Variants in KCNH1 observed in about 807,000 individuals in gnomAD.
The protein encoded by KCNH1 is voltage-gated delayed rectifier potassium channel KCNH1.
A neutral mutation model predicts 69.2 loss-of-function variants in KCNH1; 27 were observed. The observed-to-expected ratio is 0.39, with a 90% CI of 0.29 to 0.54. KCNH1 has a LOEUF of 0.54. Ranked by LOEUF, KCNH1 falls within the 20% of genes least tolerant of loss-of-function variation. The pLI, the probability that KCNH1 is intolerant of heterozygous loss-of-function variation, is 0.68. For synonymous variants in KCNH1, 456 were observed against 487.7 expected (o/e 0.93, Z 0.86); for missense variants, 798 against 1,261.6 (o/e 0.63, Z 5.57).
chr1:211,081,805 C>A (rs1427922915), intron 5 of KCNH1, among the ~76,000 whole-genome samples: 1 of 151,974 alleles, frequency 6.6e-6, no homozygotes, highest in Non-Finnish European at 1.5e-5. Context: ...ACATCACACC[C>A]CGGGGCCTGT....
At chr1:211,107,514 T>G in intron 1 of KCNH1, 137 bp from the exon 2 acceptor site, 4 of 872,144 alleles carry the variant, frequency 4.6e-6, no homozygotes, top group Non-Finnish European at 6.9e-6. Context: ...AACAGAAATG[T>G]CGCCCTGTAA....
At chr1:210,999,307 C>T (rs1183113751) in intron 6 of KCNH1, among the ~76,000 whole-genome samples, 1 of 151,930 alleles carries the variant, frequency 6.6e-6, no homozygotes, top group African/African-American at 2.4e-5. Context: ...ATCAAATAGA[C>T]ACAATAAAAA....
At chr1:210,939,309 A>C (rs2102585871) in intron 6 of KCNH1, among the ~76,000 whole-genome samples, 1 of 152,322 alleles carries the variant, frequency 6.6e-6, no homozygotes, top group East Asian at 1.9e-4. Context: ...CAATAAGATG[A>C]AAAATTTGGC....
At chr1:211,016,848 G>T (rs769985708) in intron 6 of KCNH1, among the ~76,000 whole-genome samples, 3 of 143,782 alleles carry the variant, frequency 2.1e-5, no homozygotes, top group African/African-American at 7.9e-5. Flanking sequence ...GGCAGAGGTT[G>T]TGGTGAGCTG....
chr1:210,731,468 C>G (rs6540621), intron 10 of KCNH1, among the ~76,000 whole-genome samples: 10,055 of 152,164 alleles, frequency 0.066, 359 homozygotes, highest in Admixed American at 0.099. Flanking sequence ...CAGGCCTTAT[C>G]TCTCCACAGA....
intron 10 of KCNH1, among the ~76,000 whole-genome samples, chr1:210,712,067 A>ACTCT (rs1558434601): frequency 6.6e-6 from 1 of 152,128 alleles, no homozygotes; most frequent in East Asian, 1.9e-4. Flanking sequence ...CCAGGAGTGT[A>ACTCT]CTCTCTGAGT....
At chr1:210,879,765 T>A (rs963167070) in intron 7 of KCNH1, among the ~76,000 whole-genome samples, 2 of 151,962 alleles carry the variant, frequency 1.3e-5, no homozygotes, top group African/African-American at 4.8e-5. Flanking sequence ...TGCAATAAGA[T>A]AAGGAAATAC....
chr1:210,684,617 C>T (rs1471808921), intron 10 of KCNH1, among the ~76,000 whole-genome samples: 1 of 152,224 alleles, frequency 6.6e-6, no homozygotes, highest in Non-Finnish European at 1.5e-5. Flanking sequence ...CCTAAAACCA[C>T]ACTTCAGGGC....
intron 6 of KCNH1, among the ~76,000 whole-genome samples, chr1:210,962,915 G>T (rs539206123): frequency 1.3e-5 from 2 of 149,944 alleles, no homozygotes; most frequent in African/African-American, 4.9e-5. Flanking sequence ...TTACATATGA[G>T]GTAAAGTATC....
chr1:210,908,626 A>G (rs1687163849), intron 7 of KCNH1, among the ~76,000 whole-genome samples: 1 of 152,150 alleles, frequency 6.6e-6, no homozygotes, highest in South Asian at 2.1e-4. Context: ...CAGGCTTCAT[A>G]GGGACTTCTT....
intron 9 of KCNH1, among the ~76,000 whole-genome samples, chr1:210,784,941 T>G (rs1348022243): frequency 6.6e-6 from 1 of 152,084 alleles, no homozygotes; most frequent in East Asian, 1.9e-4. Context: ...TTACCATCTC[T>G]CTCCACGCAG....
intron 10 of KCNH1, among the ~76,000 whole-genome samples, chr1:210,737,551 T>C (rs574528918): frequency 6.6e-6 from 1 of 152,316 alleles, no homozygotes; most frequent in South Asian, 2.1e-4. Context: ...ATACTATCAA[T>C]AGGCTAATGG....
At chr1:211,085,777 G>A (rs1459347620) in intron 4 of KCNH1, among the ~76,000 whole-genome samples, 1 of 152,202 alleles carries the variant, frequency 6.6e-6, no homozygotes, top group Non-Finnish European at 1.5e-5. Context: ...GACCAACAGT[G>A]TCCCTTATAG....
At chr1:210,689,727 T>C (rs545860150) in intron 10 of KCNH1, among the ~76,000 whole-genome samples, 56 of 152,344 alleles carry the variant, frequency 3.7e-4, no homozygotes, top group African/African-American at 1.3e-3. Flanking sequence ...CTGTGTGACC[T>C]TGGGAAAGTT....
intron 6 of KCNH1, among the ~76,000 whole-genome samples, chr1:210,976,141 C>T (rs925039103): frequency 2.6e-5 from 4 of 151,710 alleles, no homozygotes; most frequent in African/African-American, 7.3e-5. Context: ...GAACATTTTA[C>T]ACTTTTGGTG....
At chr1:210,822,247 T>C (rs1379918481) in intron 7 of KCNH1, among the ~76,000 whole-genome samples, 1 of 151,758 alleles carries the variant, frequency 6.6e-6, no homozygotes, top group East Asian at 1.9e-4. Flanking sequence ...GGCAGGGAAG[T>C]GGAGAAGGCA....
chr1:210,737,978 T>C (rs2149035130), intron 10 of KCNH1, among the ~76,000 whole-genome samples: 1 of 152,326 alleles, frequency 6.6e-6, no homozygotes, highest in South Asian at 2.1e-4. Context: ...CCTCCAAAGA[T>C]TCTATCTCCC....
At chr1:210,810,517 A>C (rs1684680594) in intron 7 of KCNH1, among the ~76,000 whole-genome samples, 1 of 152,078 alleles carries the variant, frequency 6.6e-6, no homozygotes, top group Admixed American at 6.6e-5. Flanking sequence ...CCTGTGATGC[A>C]GATGTTGGAC....
At chr1:210,754,257 A>T (rs950979219) in intron 10 of KCNH1, among the ~76,000 whole-genome samples, 4 of 152,110 alleles carry the variant, frequency 2.6e-5, no homozygotes, top group Admixed American at 6.5e-5. Context: ...GGAAAAAAAT[A>T]CTTCCCAAGC....
Sources: allele counts gnomAD v4.1 joint callset (sites outside exome capture counted in the v4.1 genomes callset), GRCh38; gene constraint gnomAD v4.1.1; transcripts MANE v1.5; gene names NCBI Gene and HGNC (gene_info 2026-07-23, HGNC 2026-07-21).